POM121: variants seen among roughly 807,000 people sequenced by gnomAD.
The protein encoded by POM121 is POM121 transmembrane nucleoporin.
In POM121, 32 loss-of-function variants were observed where a neutral mutation model predicts 81.3. That is an observed-to-expected ratio of 0.39 (90% confidence interval 0.30 to 0.53). The LOEUF (loss-of-function observed/expected upper bound fraction) is 0.53, where lower values mean the gene tolerates loss of function less well. Ranked by LOEUF, POM121 falls within the 20% of genes least tolerant of loss-of-function variation. POM121 has a pLI of 0.66. For synonymous variants in POM121, 514 were observed against 694.2 expected (o/e 0.74, Z 4.08); for missense variants, 1,138 against 1,614.6 (o/e 0.70, Z 5.06).
chr7:72,920,766 G>A (rs1292023885), upstream of POM121, among the ~76,000 whole-genome samples: 15 of 152,194 alleles, frequency 9.9e-5, no homozygotes, highest in African/African-American at 2.7e-4. Flanking sequence ...GGTGGGTCCA[G>A]AGCAGTGCTC....
rs1460398647 is a variant in POM121 at position 72,939,235 on chromosome 7, T to C, written c.1368-101T>C. On this transcript the variant is annotated intron_variant, in intron 6 of 12. Coordinates refer to ENST00000434423, the MANE Select transcript of POM121 (RefSeq NM_001387691.1). ...TACTGAGATCTTAAATGATGGTTGT[T>C]TTAGACATTGGCCACTTGGTAGTTA... The C allele has an allele frequency of 1.2e-5, 18 of 1,480,332 alleles. No homozygotes were observed. In the Admixed American group the frequency reaches 3.4e-4, roughly 28 times the overall value. 91.7% of individuals were successfully genotyped at this position (1,480,332 alleles called of 1,614,324 possible).
intron 5 of POM121, among the ~76,000 whole-genome samples, chr7:72,933,268 T>G (rs1391938945): frequency 5.9e-5 from 9 of 152,140 alleles, no homozygotes; most frequent in South Asian, 4.1e-4. Context: ...GCAGGAGAAC[T>G]GCTTGACCCT....
At chr7:72,936,848 A>C (rs1240000308) in intron 5 of POM121, among the ~76,000 whole-genome samples, 1 of 151,994 alleles carries the variant, frequency 6.6e-6, no homozygotes, top group Non-Finnish European at 1.5e-5. Flanking sequence ...AGGTCTTGCT[A>C]TGTTGCCCAG....
At chr7:72,922,800 A>ATGG (rs1794939973), upstream of POM121, among the ~76,000 whole-genome samples, 2 of 152,140 alleles carry the variant, frequency 1.3e-5, no homozygotes, top group African/African-American at 4.8e-5. Context: ...CCGAGGGCTC[A>ATGG]GGCTATGGAC....
Position 72,926,488 on chromosome 7 carries a change from T to C in POM121, c.860+11T>C. 4 of 1,613,872 alleles carry C rather than the reference T, an allele frequency of 2.5e-6. No individual in the cohort carries two copies. The highest frequency in any genetic ancestry group is 2.2e-5 in the South Asian group (2 of 91,064). ...TTCGCGTTCTGCGATGTGAGTATTA[T>C]CGTTGGAAGAATACTCTCCCTTTTC... is the stretch of plus-strand genomic sequence containing the variant. On this transcript the variant is annotated intron_variant, in intron 2 of 12. Transcript: ENST00000434423.
intron 5 of POM121, among the ~76,000 whole-genome samples, chr7:72,933,271 T>C (rs1796199417): frequency 6.6e-6 from 1 of 151,692 alleles, no homozygotes; most frequent in Non-Finnish European, 1.5e-5. Context: ...GGAGAACTGC[T>C]TGACCCTGAA....
chr7:72,881,066 C>CTTT (rs3973810), intron 1 of POM121, among the ~76,000 whole-genome samples: 20 of 47,216 alleles, frequency 4.2e-4, no homozygotes, highest in Non-Finnish European at 5.3e-4. Context: ...CCCTATCACT[C>CTTT]TTTTTTTTTT....
At chr7:72,884,070 G>T (rs1215825388) in intron 1 of POM121, among the ~76,000 whole-genome samples, 12 of 151,956 alleles carry the variant, frequency 7.9e-5, no homozygotes, top group African/African-American at 2.7e-4. Flanking sequence ...AATGCCCAGC[G>T]GATTTTTTAA....
At chr7:72,949,085 G>C, downstream of POM121, 1 of 1,612,682 alleles carries the variant, frequency 6.2e-7, no homozygotes, top group Non-Finnish European at 8.5e-7. Flanking sequence ...GGCTCCTCCA[G>C]CTGTCTGCTC....
intron 1 of POM121, among the ~76,000 whole-genome samples, chr7:72,883,766 G>A (rs1554489649): frequency 3.3e-5 from 5 of 151,938 alleles, no homozygotes; most frequent in Non-Finnish European, 7.4e-5. Context: ...CTGGAGGCAC[G>A]TGTTACCTTC....
At chr7:72,931,645 A>G (rs1289193734) in intron 5 of POM121, among the ~76,000 whole-genome samples, 1 of 148,888 alleles carries the variant, frequency 6.7e-6, no homozygotes, top group African/African-American at 2.5e-5. Context: ...ACCTTGACTC[A>G]CTGCAATCTC....
In POM121 at chr7:72,948,117, G is replaced by A; in HGVS notation, c.*1883G>A. On this transcript the variant is annotated 3_prime_UTR_variant, in exon 13 of 13. Coordinates refer to ENST00000434423, the MANE Select transcript of POM121 (RefSeq NM_001387691.1). Reference sequence around the variant, plus strand: ...TCCGCAGGCAGGACAGCCGGTCCGGGAACCCTGAGTGAGAATGAGTGTGGA... The same window carrying A: ...TCCGCAGGCAGGACAGCCGGTCCGGAAACCCTGAGTGAGAATGAGTGTGGA... 7.2e-7 allele frequency: 1 copy of A among 1,393,050 alleles called. No individual in the cohort carries two copies. The highest frequency in any genetic ancestry group is 9.3e-7 in the Non-Finnish European group (1 of 1,075,788). The allele number at this position is 1,393,050 out of a possible 1,614,324, so 86.3% of individuals were successfully genotyped here.
chr7:72,908,211 T>G (rs1259682546), intron 3 of POM121, among the ~76,000 whole-genome samples: 1 of 152,226 alleles, frequency 6.6e-6, no homozygotes, highest in Admixed American at 6.5e-5. Context: ...TTTCCCTAAG[T>G]GTCAGCCAGT....
At chr7:72,893,413 C>G (rs1791507707) in intron 3 of POM121, among the ~76,000 whole-genome samples, 1 of 151,888 alleles carries the variant, frequency 6.6e-6, no homozygotes, top group African/African-American at 2.4e-5. Context: ...GAAACCCCGT[C>G]TCTACTAAAA....
Position 72,908,595 on chromosome 7 carries a change from G to C in POM121, c.-215-5170G>C, listed in dbSNP as rs199686893. On this transcript the variant is annotated intron_variant, in intron 3 of 15. Coordinates refer to the POM121 transcript ENST00000395270. ...GAATTTCCTCGTCCTAATATGCCTG[G>C]GAGTGCTATGGGAAACGGGAACTTA... Among the ~76,000 whole-genome samples the C allele has an allele frequency of 8.5e-5, 13 of 152,244 alleles. No individual in the cohort carries two copies. In the East Asian group the frequency reaches 2.1e-3, roughly 25 times the overall value.
At chr7:72,894,791 G>C (rs558968801) in intron 3 of POM121, among the ~76,000 whole-genome samples, 6 of 152,028 alleles carry the variant, frequency 3.9e-5, no homozygotes, top group Non-Finnish European at 8.8e-5. Context: ...CAAGTAGCTG[G>C]CACTACAGGT....
chr7:72,943,238 G>C lies in POM121; in HGVS notation c.3245G>C (p.Ser1082Thr). Residue 1082 changes from serine to threonine, a missense_variant, in exon 11 of 13, where the codon AGC (serine) becomes ACC (threonine). Ser to Thr is a moderately conservative substitution (Grantham distance 58). Transcript: ENST00000434423. ...GGAGCCACCACCCAGACCGCCAGCA[G>C]CGGGAGCAGCAGCTCGGTGTTTGGC... The part of the protein sequence containing the change: ...GFGATTQTAS[S>T]GSSSSVFGST... 6.2e-7 allele frequency: 1 copy of C among 1,612,390 alleles called. No homozygotes were observed. The highest frequency in any genetic ancestry group is 8.5e-7 in the Non-Finnish European group (1 of 1,179,644).
At chr7:72,902,556 T>C (rs1475083482) in intron 3 of POM121, among the ~76,000 whole-genome samples, 1 of 151,946 alleles carries the variant, frequency 6.6e-6, no homozygotes, top group Non-Finnish European at 1.5e-5. Flanking sequence ...TGAGACAGGG[T>C]CTCACTCTGT....
upstream of POM121, among the ~76,000 whole-genome samples, chr7:72,920,555 C>A (rs578224240): frequency 6.6e-6 from 1 of 151,972 alleles, no homozygotes; most frequent in Non-Finnish European, 1.5e-5. Flanking sequence ...GGGGTTTCAC[C>A]ATGTTAGCCA....
Sources: allele counts gnomAD v4.1 joint callset (sites outside exome capture counted in the v4.1 genomes callset), GRCh38; gene constraint gnomAD v4.1.1; transcripts MANE v1.5; gene names NCBI Gene and HGNC (gene_info 2026-07-23, HGNC 2026-07-21).